ASIP: variants seen among roughly 807,000 people sequenced by gnomAD.
The protein encoded by ASIP is agouti signaling protein.
ASIP carries 11 observed loss-of-function variants against 10.3 expected under a neutral mutation model. That is an observed-to-expected ratio of 1.07 (90% CI 0.68 to 1.78). The LOEUF (loss-of-function observed/expected upper bound fraction) is 1.78. Among genes scored for constraint, ASIP ranks in the 40% most tolerant of loss-of-function variants. The pLI, the probability that ASIP is intolerant of heterozygous loss-of-function variation, is 0.00. For missense variants in ASIP, 180 were observed against 169.2 expected (o/e 1.06, Z -0.35); for synonymous variants, 70 against 70.8 (o/e 0.99, Z 0.06).
In ASIP at chr20:34,262,871, CAGAAA is replaced by C. The variant is rs1568771629; in HGVS notation, c.209_213del (p.Lys70IlefsTer3). 1.2e-6 allele frequency: 2 copies of C among 1,613,980 alleles called. No homozygotes were observed. The highest frequency in any genetic ancestry group is 8.5e-7 in the Non-Finnish European group (1 of 1,179,928). ...TCCAAACAGATCGGCAGAAAAGCAG[CAGAAA>C]AGAAAAGATCTTCTAAGGTAAGGGC... On this transcript the variant is annotated frameshift_variant, in exon 3 of 4. Coordinates refer to ENST00000374954, the MANE Select transcript of ASIP (RefSeq NM_001672.3). LOFTEE classifies it high-confidence loss of function.
chr20:34,251,324 G>A (rs2035472039), intron 1 of ASIP, among the ~76,000 whole-genome samples: 2 of 151,684 alleles, frequency 1.3e-5, no homozygotes, highest in South Asian at 2.1e-4. Context: ...AGGCTGGAGT[G>A]CAGTGGCGTG....
At chr20:34,199,954 C>G (rs533267743) in intron 1 of ASIP, among the ~76,000 whole-genome samples, 2 of 152,166 alleles carry the variant, frequency 1.3e-5, no homozygotes, top group Admixed American at 1.3e-4. Flanking sequence ...AAGGCAAGAG[C>G]CTCACTTGCC....
intron 1 of ASIP, among the ~76,000 whole-genome samples, chr20:34,200,386 G>T (rs2034884763): frequency 6.6e-6 from 1 of 152,160 alleles, no homozygotes; most frequent in Non-Finnish European, 1.5e-5. Flanking sequence ...CCTCAAATTG[G>T]CATCCCTCAA....
At chr20:34,246,184 A>G (rs960204712) in intron 1 of ASIP, 2 of 1,182,138 alleles carry the variant, frequency 1.7e-6, no homozygotes, top group Admixed American at 4.4e-5. Context: ...TTGCTCTAGG[A>G]ATTTTGGCCT....
intron 3 of ASIP, among the ~76,000 whole-genome samples, chr20:34,268,188 C>T (rs1189588718): frequency 1.3e-5 from 2 of 152,122 alleles, no homozygotes; most frequent in Non-Finnish European, 2.9e-5. Flanking sequence ...CCACAGATGA[C>T]CAGTGGCTAC....
intron 1 of ASIP, among the ~76,000 whole-genome samples, chr20:34,222,854 C>T (rs937726406): frequency 4.6e-5 from 7 of 152,222 alleles, no homozygotes; most frequent in South Asian, 4.1e-4. Flanking sequence ...GGTCTCCAGC[C>T]CCTAACCGCG....
At chr20:34,236,466 T>C (rs819179), upstream of ASIP, among the ~76,000 whole-genome samples, 40,991 of 151,834 alleles carry the variant, frequency 0.27, 9,688 homozygotes, top group African/African-American at 0.64. Flanking sequence ...ATCGCTTGAA[T>C]CCAGGAGGTG....
chr20:34,269,015 G>A lies in ASIP; in HGVS notation c.247G>A (p.Val83Met). The change falls in exon 4 of 4, where the codon GTG (valine) becomes ATG (methionine). Residue 83 changes from valine to methionine, a missense_variant. Transcript: ENST00000374954. The part of the protein sequence containing the change: ...SKKEASMKKV[V>M]RPRTPLSAPC... The stretch of plus-strand genomic sequence containing the variant: ...GAAGGAGGCTTCGATGAAGAAAGTG[G>A]TGCGGCCCCGGACCCCCCTATCTGC... 2 of 1,607,986 alleles carry A rather than the reference G, an allele frequency of 1.2e-6. No homozygotes were observed. Among genetic ancestry groups the A allele is most frequent in the Non-Finnish European group, 8.5e-7 (1 of 1,177,892 alleles).
intron 1 of ASIP, among the ~76,000 whole-genome samples, chr20:34,201,048 CTTTCTTTCTTTCT>C (rs2034895316): frequency 9.3e-6 from 1 of 107,364 alleles, no homozygotes; most frequent in African/African-American, 3.1e-5. Context: ...TTCTTTCTTT[CTTTCTTTCTTTCT>C]TTTTTTTCCT....
chr20:34,213,396 G>A (rs916567985), intron 1 of ASIP: 7 of 665,796 alleles, frequency 1.1e-5, no homozygotes, highest in Non-Finnish European at 1.8e-5. Context: ...AGAGTGGAGT[G>A]TTGCTATAAC....
intron 1 of ASIP, among the ~76,000 whole-genome samples, chr20:34,227,893 A>G (rs978837804): frequency 1.3e-5 from 2 of 152,218 alleles, no homozygotes; most frequent in African/African-American, 4.8e-5. Context: ...AAAACAGTGT[A>G]GTATTGCTAT....
chr20:34,205,766 T>C (rs895146758), intron 1 of ASIP, among the ~76,000 whole-genome samples: 6 of 145,974 alleles, frequency 4.1e-5, no homozygotes, highest in African/African-American at 1.7e-4. Flanking sequence ...TTGGTGCATT[T>C]ACAATACTTT....
chr20:34,227,697 G>A (rs2035102427), intron 1 of ASIP, among the ~76,000 whole-genome samples: 1 of 151,590 alleles, frequency 6.6e-6, no homozygotes, highest in South Asian at 2.1e-4. Flanking sequence ...TCTGATGTCA[G>A]TTCTCCCCAG....
At chr20:34,215,162 A>G (rs1210515420) in intron 1 of ASIP, 2 of 1,597,986 alleles carry the variant, frequency 1.3e-6, no homozygotes, top group African/African-American at 2.7e-5. Flanking sequence ...AAACAGTCAC[A>G]TGCTTCTTCC....
At chr20:34,263,102 A>C (rs561768748) in intron 3 of ASIP, among the ~76,000 whole-genome samples, 27 of 152,288 alleles carry the variant, frequency 1.8e-4, no homozygotes, top group African/African-American at 6.3e-4. Context: ...ACTGAGCAAA[A>C]TAGGTTACGA....
rs527883052 is a variant in ASIP, at chr20:34,244,442, T to C, written c.-11+2953T>C. ...AATGGCCTTCCACTCAGAACAATGA[T>C]GATGATTAATGTCTAAAATGTGTCT... is the stretch of plus-strand genomic sequence containing the variant. On this transcript the variant is annotated intron_variant, in intron 1 of 3. Coordinates refer to ENST00000374954, the MANE Select transcript of ASIP (RefSeq NM_001672.3). Among the ~76,000 whole-genome samples the C allele has an allele frequency of 2.6e-5, 4 of 152,306 alleles. No individual in the cohort carries two copies. In the South Asian group the frequency reaches 8.3e-4, roughly 32 times the overall value.
At chr20:34,257,756 T>A (rs1482835891) in intron 1 of ASIP, among the ~76,000 whole-genome samples, 1 of 152,204 alleles carries the variant, frequency 6.6e-6, no homozygotes. Context: ...TAGGACCCAG[T>A]CCTGTACTAA....
chr20:34,207,584 C>A (rs2034945641), intron 1 of ASIP, among the ~76,000 whole-genome samples: 1 of 152,068 alleles, frequency 6.6e-6, no homozygotes, highest in Non-Finnish European at 1.5e-5. Flanking sequence ...TGAGGTCTTA[C>A]TCAAGAAATC....
At chr20:34,220,128 T>G (rs2035036056) in intron 1 of ASIP, among the ~76,000 whole-genome samples, 1 of 151,804 alleles carries the variant, frequency 6.6e-6, no homozygotes. Flanking sequence ...AAGTTTACAG[T>G]CTAGTTACTT....
Sources: allele counts gnomAD v4.1 joint callset (sites outside exome capture counted in the v4.1 genomes callset), GRCh38; gene constraint gnomAD v4.1.1; transcripts MANE v1.5; gene names NCBI Gene and HGNC (gene_info 2026-07-23, HGNC 2026-07-21).